PRKCQ: variants seen among roughly 807,000 people sequenced by gnomAD.
PRKCQ encodes the protein protein kinase C theta.
A neutral mutation model predicts 91.2 loss-of-function variants in PRKCQ; 41 were observed. The ratio of observed to expected loss-of-function variants is 0.45; its 90% confidence interval spans 0.35 to 0.58. PRKCQ has a LOEUF of 0.58. Ranked by LOEUF, PRKCQ falls within the 20% of genes least tolerant of loss-of-function variation. The probability of loss-of-function intolerance (pLI) is 0.00; values close to 1 mark genes in which losing one functional copy is unlikely to be tolerated. For synonymous variants in PRKCQ, 307 were observed against 316.9 expected, an observed-to-expected ratio of 0.97 and a Z score of 0.33; for missense variants, 673 against 896.5, an observed-to-expected ratio of 0.75 and a Z score of 3.18.
chr10:6,558,992 GA>G lies in PRKCQ; in HGVS notation c.-10+21218del, dbSNP rs1840524094. On this transcript the variant is annotated intron_variant, in intron 1 of 17. Coordinates refer to ENST00000263125, the MANE Select transcript of PRKCQ (RefSeq NM_006257.5). The stretch of plus-strand genomic sequence containing the variant: ...ATGTGCTGCCGTTAAAAGCAGGGCA[GA>G]AGGTGAGAGCTTGGGCCTGGGCTGC... Among the ~76,000 whole-genome samples, 3 of 152,370 alleles carry G rather than the reference GA, an allele frequency of 2.0e-5. No individual in the cohort carries two copies. In the South Asian group the frequency reaches 6.2e-4, roughly 32 times the overall value.
intron 1 of PRKCQ, among the ~76,000 whole-genome samples, chr10:6,526,057 T>C (rs976727577): frequency 2.0e-5 from 3 of 152,238 alleles, no homozygotes; most frequent in Non-Finnish European, 4.4e-5. Flanking sequence ...TTAAACGAGT[T>C]AATATGTATA....
rs1187057663 is a variant in PRKCQ at position 6,486,443 on chromosome 10, AGTTTAGT to A, written c.791-306_791-300del. 9.2e-5 allele frequency among the ~76,000 whole-genome samples: 14 copies of A among 152,254 alleles called. No homozygotes were observed. The East Asian group carries it at 2.7e-3, about 30-fold the overall frequency. ...AAGATGCCCACCTGCGTGCCATGTCAGTTTAGTGTTGCCATGGCAACACCCAGACGTT... is the reference window on the plus strand; with the variant it reads ...AAGATGCCCACCTGCGTGCCATGTCAGTTGCCATGGCAACACCCAGACGTT... On this transcript the variant is annotated intron_variant, in intron 8 of 17. Coordinates refer to ENST00000263125, the MANE Select transcript of PRKCQ (RefSeq NM_006257.5).
At chr10:6,413,374 T>C in the PRKCQ span, among the ~76,000 whole-genome samples, 1 of 152,112 alleles carries the variant, frequency 6.6e-6, no homozygotes, top group Non-Finnish European at 1.5e-5. Context: ...AAAAACAGTA[T>C]CTCCCTACAT....
the PRKCQ span, among the ~76,000 whole-genome samples, chr10:6,402,478 C>G: frequency 6.6e-6 from 1 of 151,452 alleles, no homozygotes; most frequent in Non-Finnish European, 1.5e-5. Context: ...AGGACACAGA[C>G]AGAAAAGCCT....
intron 1 of PRKCQ, among the ~76,000 whole-genome samples, chr10:6,577,247 G>C (rs924297881): frequency 7.9e-5 from 12 of 152,128 alleles, no homozygotes; most frequent in African/African-American, 2.7e-4. Flanking sequence ...TTAGATGACA[G>C]AGCAATCAGA....
the PRKCQ span, among the ~76,000 whole-genome samples, chr10:6,415,746 CTT>C: frequency 3.6e-4 from 50 of 140,270 alleles, no homozygotes; most frequent in African/African-American, 4.0e-4. Flanking sequence ...CTCTCTCTCT[CTT>C]TTTTTTTTTT....
intron 1 of PRKCQ, among the ~76,000 whole-genome samples, chr10:6,545,179 G>A (rs964365814): frequency 3.9e-5 from 6 of 152,288 alleles, no homozygotes; most frequent in South Asian, 2.1e-4. Context: ...ACATGAGAAA[G>A]GCATTTTTCT....
chr10:6,560,217 A>C (rs1226191379), intron 1 of PRKCQ, among the ~76,000 whole-genome samples: 2 of 152,182 alleles, frequency 1.3e-5, no homozygotes, highest in Non-Finnish European at 2.9e-5. Flanking sequence ...CAGTGCTTGC[A>C]TTTTTAAGAG....
At chr10:6,416,330 C>G in the PRKCQ span, among the ~76,000 whole-genome samples, 1 of 149,484 alleles carries the variant, frequency 6.7e-6, no homozygotes, top group East Asian at 2.0e-4. Context: ...GCAGTGTGCA[C>G]TGTACCTACT....
chr10:6,489,093 T>C (rs4748096), intron 8 of PRKCQ, among the ~76,000 whole-genome samples: 30,414 of 152,090 alleles, frequency 0.2, 3,836 homozygotes, highest in Non-Finnish European at 0.28. Context: ...AAATCTTTAC[T>C]ATAGAAAGGA....
intron 7 of PRKCQ, among the ~76,000 whole-genome samples, chr10:6,496,546 C>T (rs149973128): frequency 2.6e-5 from 4 of 152,216 alleles, no homozygotes; most frequent in African/African-American, 9.6e-5. Flanking sequence ...GGATTATTCT[C>T]ATATAATTAA....
At chr10:6,482,717 G>A (rs1051856895) in intron 11 of PRKCQ, among the ~76,000 whole-genome samples, 1 of 152,162 alleles carries the variant, frequency 6.6e-6, no homozygotes, top group Non-Finnish European at 1.5e-5. Flanking sequence ...AGGTTTAATG[G>A]ACTCGGTTCC....
At chr10:6,472,705 ACTTCTTTTATT>A (rs1836054256) in intron 12 of PRKCQ, among the ~76,000 whole-genome samples, 2 of 151,918 alleles carry the variant, frequency 1.3e-5, no homozygotes, top group Admixed American at 1.3e-4. Context: ...ACACTTCCTG[ACTTCTTTTATT>A]CTTTTTTTCT....
the PRKCQ span, among the ~76,000 whole-genome samples, chr10:6,415,613 T>A: frequency 6.6e-6 from 1 of 151,800 alleles, no homozygotes; most frequent in Non-Finnish European, 1.5e-5. Flanking sequence ...GTCTGGTCAC[T>A]GCCATTGTAG....
Position 6,430,255 on chromosome 10 carries a change from G to A in PRKCQ, c.1965+555C>T, listed in dbSNP as rs746152884. Among the ~76,000 whole-genome samples the A allele has an allele frequency of 1.2e-4, 19 of 152,188 alleles. No homozygotes were observed. Among genetic ancestry groups the A allele is most frequent in the Non-Finnish European group, 2.6e-4 (18 of 68,040 alleles). On this transcript the variant is annotated intron_variant, in intron 17 of 17. Coordinates refer to ENST00000263125, the MANE Select transcript of PRKCQ (RefSeq NM_006257.5). This position sits in a 1 kb window ranked among gnomAD's most constrained non-coding sequence, Gnocchi z 4.7. ...ATGTAGCTTAATGACTTTTGCCAGTGAGGACATAAATGGAAATGTACAGAC... is the reference window on the plus strand; with the variant it reads ...ATGTAGCTTAATGACTTTTGCCAGTAAGGACATAAATGGAAATGTACAGAC...
At chr10:6,519,941 C>T (rs1267394117) in intron 1 of PRKCQ, among the ~76,000 whole-genome samples, 2 of 152,216 alleles carry the variant, frequency 1.3e-5, no homozygotes, top group Non-Finnish European at 2.9e-5. Flanking sequence ...ACGCCAAAGA[C>T]TGTCTCTTCC....
At chr10:6,481,165 G>A (rs1031066067) in intron 11 of PRKCQ, among the ~76,000 whole-genome samples, 11 of 152,186 alleles carry the variant, frequency 7.2e-5, no homozygotes, top group African/African-American at 2.4e-4. Flanking sequence ...CATGGAGTGG[G>A]GGAAACCTGG....
At chr10:6,419,930 C>G in the PRKCQ span, among the ~76,000 whole-genome samples, 1 of 152,034 alleles carries the variant, frequency 6.6e-6, no homozygotes, top group Non-Finnish European at 1.5e-5. Flanking sequence ...CTCAGATGAT[C>G]TGCCCTCCTT....
At chr10:6,470,642 G>A (rs779058191) in intron 12 of PRKCQ, among the ~76,000 whole-genome samples, 5 of 152,134 alleles carry the variant, frequency 3.3e-5, no homozygotes, top group Admixed American at 2.6e-4. Flanking sequence ...GGAGAAGAAC[G>A]ATTTTGCCAT....
Sources: gnomAD v4.1 joint callset for allele counts (sites outside exome capture counted in the v4.1 genomes callset) on GRCh38, gnomAD v4.1.1 for gene constraint, Gnocchi (gnomAD v3.1) non-coding constraint, MANE v1.5 for transcripts, NCBI Gene and HGNC (gene_info 2026-07-23, HGNC 2026-07-21) for gene names.